The following ITPR2 variants were observed in gnomAD, a reference collection of about 807,000 sequenced individuals.
ITPR2 encodes the protein inositol 1,4,5-trisphosphate-gated calcium channel ITPR2.
In ITPR2, 207 loss-of-function variants were observed where a neutral mutation model predicts 317.1. That is an observed-to-expected ratio of 0.65 (90% CI 0.58 to 0.73). ITPR2 has a LOEUF of 0.73. Ranked by LOEUF, ITPR2 falls within the 30% of genes least tolerant of loss-of-function variation. The pLI, the probability that ITPR2 is intolerant of heterozygous loss-of-function variation, is 0.00. For synonymous variants in ITPR2, 1,156 were observed against 1,149.1 expected (o/e 1.01, Z -0.12); for missense variants, 2,613 against 3,284.0 (o/e 0.80, Z 4.99).
intron 37 of ITPR2, among the ~76,000 whole-genome samples, chr12:26,513,637 C>G (rs1943414477): frequency 6.6e-6 from 1 of 152,210 alleles, no homozygotes; most frequent in Admixed American, 6.5e-5. Flanking sequence ...TTCATCTACA[C>G]CCAAGTTTTC....
Position 26,658,130 on chromosome 12 carries a change from C to A in ITPR2, c.1887G>T (p.Arg629Ser). The A allele has an allele frequency of 6.5e-7, 1 of 1,544,832 alleles. No homozygotes were observed. Among genetic ancestry groups the A allele is most frequent in the Non-Finnish European group, 8.7e-7 (1 of 1,147,464 alleles). ...ACAGATCTGACAAATAATCCAAAAA[C>A]CTGGCAAAAGAAAAAAATTAAATGG... ...VSLLRRNREP[R>S]FLDYLSDLCV... Residue 629 changes from arginine to serine, a missense_variant and splice_region_variant, in exon 17 of 57, where the codon AGG (arginine) becomes AGT (serine). Transcript: ENST00000381340.
chr12:26,470,958 G>T (rs1942278647), intron 45 of ITPR2, among the ~76,000 whole-genome samples: 1 of 152,060 alleles, frequency 6.6e-6, no homozygotes, highest in African/African-American at 2.4e-5. Flanking sequence ...TTCAAATGAA[G>T]AACAATTATG....
In ITPR2 at chr12:26,656,470, A is replaced by G. The variant is rs767945441; in HGVS notation, c.2271T>C (p.Ser757=). 10 of 1,614,142 alleles carry G rather than the reference A, an allele frequency of 6.2e-6. No homozygotes were observed. In the East Asian group the frequency reaches 2.2e-4, roughly 36 times the overall value. The change falls in exon 19 of 57, where the codon TCT becomes TCC. Residue 757 remains serine, a synonymous_variant. Coordinates refer to ENST00000381340, the MANE Select transcript of ITPR2 (RefSeq NM_002223.4). ...LAINQISTQL[S]VDLILRCVSD... is the part of the protein sequence containing the mutation. Reference sequence around the variant, plus strand: ...ACACACACCGCAGGATCAGGTCTACAGACAGCTGTGTAGAAATCTGGTTTA... The same window carrying G: ...ACACACACCGCAGGATCAGGTCTACGGACAGCTGTGTAGAAATCTGGTTTA...
At chr12:26,602,857 T>C (rs1946033133) in intron 26 of ITPR2, 151 bp from the exon 27 acceptor site, 5 of 434,132 alleles carry the variant, frequency 1.2e-5, no homozygotes, top group African/African-American at 2.0e-5. Flanking sequence ...TTTTATTGCA[T>C]AAAAAGTTCC....
In ITPR2 at chr12:26,372,134, C is replaced by T. The variant is rs373193657; in HGVS notation, c.7857+15300G>A. Among the ~76,000 whole-genome samples the T allele has an allele frequency of 3.3e-4, 51 of 152,284 alleles. No homozygotes were observed. In the South Asian group the frequency reaches 5.0e-3, roughly 15 times the overall value. On this transcript the variant is annotated intron_variant, in intron 55 of 56. Transcript: ENST00000381340. ...CTCTTCCCATGCTAGAGGACAGCTCCTCATCTTAGCTCATCAAATATTGCT... is the reference window on the plus strand; with the variant it reads ...CTCTTCCCATGCTAGAGGACAGCTCTTCATCTTAGCTCATCAAATATTGCT...
At chr12:26,564,366 A>G (rs1944894911) in intron 34 of ITPR2, among the ~76,000 whole-genome samples, 1 of 152,248 alleles carries the variant, frequency 6.6e-6, no homozygotes, top group African/African-American at 2.4e-5. Context: ...ACACATGTAC[A>G]TCTCCAAATT....
intron 3 of ITPR2, 61 bp from the exon 4 acceptor site, chr12:26,724,803 CA>C (rs1948893015): frequency 9.8e-6 from 12 of 1,221,248 alleles, no homozygotes; most frequent in Non-Finnish European, 1.2e-5. Context: ...TAATAACTGA[CA>C]AAGAAATTTT....
intron 43 of ITPR2, among the ~76,000 whole-genome samples, chr12:26,477,421 A>T (rs1942445221): frequency 6.6e-6 from 1 of 152,160 alleles, no homozygotes; most frequent in Non-Finnish European, 1.5e-5. Context: ...AATTTAGCAC[A>T]ATTGTTAAAA....
At chr12:26,441,965 T>G (rs887889015) in intron 46 of ITPR2, among the ~76,000 whole-genome samples, 14 of 152,110 alleles carry the variant, frequency 9.2e-5, no homozygotes, top group African/African-American at 3.1e-4. Context: ...TATGTATGTA[T>G]CTGCATCTAT....
At chr12:26,368,800 GAAAA>G (rs1184383493) in intron 55 of ITPR2, among the ~76,000 whole-genome samples, 1 of 152,104 alleles carries the variant, frequency 6.6e-6, no homozygotes, top group Non-Finnish European at 1.5e-5. Flanking sequence ...ATACAACAAT[GAAAA>G]AAACAAAGTT....
intron 37 of ITPR2, among the ~76,000 whole-genome samples, chr12:26,515,570 A>G (rs996185319): frequency 6.6e-6 from 1 of 152,096 alleles, no homozygotes; most frequent in African/African-American, 2.4e-5. Context: ...AAAGAAAGAG[A>G]CAGATATAAT....
chr12:26,584,441 T>C (rs1023845411), intron 32 of ITPR2, among the ~76,000 whole-genome samples: 1 of 152,168 alleles, frequency 6.6e-6, no homozygotes, highest in Non-Finnish European at 1.5e-5. Context: ...AACAAGCAGA[T>C]GTTAAGTGAA....
chr12:26,373,756 A>G (rs1005009766), intron 55 of ITPR2: 1 of 152,228 alleles, frequency 6.6e-6, no homozygotes, highest in Non-Finnish European at 1.5e-5. Flanking sequence ...TCTAAAGCAA[A>G]AAATATGTGC....
At chr12:26,531,715 C>T (rs74506992) in intron 37 of ITPR2, among the ~76,000 whole-genome samples, 34 of 152,160 alleles carry the variant, frequency 2.2e-4, no homozygotes, top group Non-Finnish European at 4.9e-4. Flanking sequence ...AGACAATTCT[C>T]TTTTCCTGTA....
intron 13 of ITPR2, 108 bp downstream of exon 13, chr12:26,681,766 C>A: frequency 1.4e-6 from 1 of 715,388 alleles, no homozygotes; most frequent in Non-Finnish European, 2.3e-6. Flanking sequence ...AGCAAGTGTG[C>A]TATCGAGAAT....
At chr12:26,466,075 C>T (rs1942163958) in intron 45 of ITPR2, among the ~76,000 whole-genome samples, 1 of 152,062 alleles carries the variant, frequency 6.6e-6, no homozygotes, top group South Asian at 2.1e-4. Context: ...TTAGAAAGGT[C>T]CTACATTATC....
intron 55 of ITPR2, among the ~76,000 whole-genome samples, chr12:26,359,501 T>C (rs1938754806): frequency 1.3e-5 from 2 of 152,320 alleles, no homozygotes; most frequent in South Asian, 4.1e-4. Flanking sequence ...TTAAAGTTTC[T>C]TCTTCTGAAA....
intron 9 of ITPR2, among the ~76,000 whole-genome samples, chr12:26,705,515 T>G (rs1256152016): frequency 1.3e-5 from 2 of 152,168 alleles, no homozygotes; most frequent in Non-Finnish European, 2.9e-5. Flanking sequence ...TTCTACTCCC[T>G]AATGATCTTA....
intron 37 of ITPR2, among the ~76,000 whole-genome samples, chr12:26,500,458 G>C (rs1365145743): frequency 2.0e-5 from 3 of 152,174 alleles, no homozygotes; most frequent in African/African-American, 7.2e-5. Flanking sequence ...TCTCTTTGCT[G>C]AGTGAGGACA....
Sources: allele counts gnomAD v4.1 joint callset (sites outside exome capture counted in the v4.1 genomes callset), GRCh38; gene constraint gnomAD v4.1.1; transcripts MANE v1.5; gene names NCBI Gene and HGNC (gene_info 2026-07-23, HGNC 2026-07-21).